Variants in NCK2 observed in about 807,000 individuals in gnomAD.
NCK2 encodes NCK adaptor protein 2, also known as cytoplasmic protein NCK2.
A neutral mutation model predicts 33.9 loss-of-function variants in NCK2; 16 were observed. The observed-to-expected ratio is 0.47, with a 90% CI of 0.32 to 0.72. NCK2 has a LOEUF of 0.72. Among genes scored for constraint, NCK2 ranks in the 30% least tolerant of loss-of-function variants. The pLI is 0.03. For synonymous variants in NCK2, 273 were observed against 239.9 expected, an observed-to-expected ratio of 1.14 and a Z score of -1.27; for missense variants, 418 against 537.3, an observed-to-expected ratio of 0.78 and a Z score of 2.19.
At chr2:105,838,024 A>G (rs1482738063) in intron 2 of NCK2, among the ~76,000 whole-genome samples, 1 of 152,026 alleles carries the variant, frequency 6.6e-6, no homozygotes, top group African/African-American at 2.4e-5. Flanking sequence ...ATTTAATCCT[A>G]TTTTGATCTA....
chr2:105,857,668 T>G (rs1288914472), intron 3 of NCK2, among the ~76,000 whole-genome samples: 1 of 152,234 alleles, frequency 6.6e-6, no homozygotes, highest in Non-Finnish European at 1.5e-5. Flanking sequence ...CTTTATTGAG[T>G]ATAGCAGTTG....
At chr2:105,777,360 A>T (rs1690344687) in intron 1 of NCK2, among the ~76,000 whole-genome samples, 1 of 152,148 alleles carries the variant, frequency 6.6e-6, no homozygotes, top group African/African-American at 2.4e-5. Context: ...TCAGGTACAG[A>T]GGAGGGCTGG....
At chr2:105,765,630 G>A (rs769363940) in intron 1 of NCK2, among the ~76,000 whole-genome samples, 24 of 151,474 alleles carry the variant, frequency 1.6e-4, no homozygotes, top group Non-Finnish European at 2.4e-4. Flanking sequence ...ATTTTTGGTC[G>A]CTGGCTAAAA....
At position 105,861,618 on chromosome 2, in the gene NCK2, G is replaced by A. The variant is rs182574261; in HGVS notation, c.226+6329G>A. On this transcript the variant is annotated intron_variant, in intron 3 of 4. Coordinates refer to ENST00000233154, the MANE Select transcript of NCK2 (RefSeq NM_003581.5). ...CAACCTCCACCTCCCAGGTTCAAGC[G>A]ATTCTCCTGCTTCAGCCTCCCTAGT... is the stretch of plus-strand genomic sequence containing the variant. 5.7e-3 allele frequency among the ~76,000 whole-genome samples: 854 copies of A among 150,926 alleles called. 9 individuals carry two copies. Among genetic ancestry groups the A allele is most frequent in the African/African-American group, 0.019 (800 of 41,062 alleles).
chr2:105,753,127 GA>G, intron 1 of NCK2, among the ~76,000 whole-genome samples: 1 of 152,356 alleles, frequency 6.6e-6, no homozygotes, highest in East Asian at 1.9e-4. Context: ...ACATAAAACA[GA>G]ACTGTAAACT....
At chr2:105,779,306 CA>C (rs780590996) in intron 1 of NCK2, among the ~76,000 whole-genome samples, 110 of 119,544 alleles carry the variant, frequency 9.2e-4, no homozygotes, top group African/African-American at 2.5e-3. Flanking sequence ...GACTCCGTCT[CA>C]AAAAAAAAAA....
chr2:105,810,983 G>T (rs556321066), intron 1 of NCK2, among the ~76,000 whole-genome samples: 1 of 152,174 alleles, frequency 6.6e-6, no homozygotes, highest in Admixed American at 6.5e-5. Context: ...AGACCATCCT[G>T]GCCAACATGG....
At chr2:105,777,658 T>C (rs1421783677) in intron 1 of NCK2, among the ~76,000 whole-genome samples, 6 of 152,170 alleles carry the variant, frequency 3.9e-5, no homozygotes, top group African/African-American at 1.4e-4. Context: ...TAACAGTCTG[T>C]GGACACCAAT....
chr2:105,802,900 G>A (rs764282009), intron 1 of NCK2, among the ~76,000 whole-genome samples: 2 of 152,028 alleles, frequency 1.3e-5, no homozygotes, highest in Admixed American at 6.5e-5. Flanking sequence ...CTGCTTTCTC[G>A]GGGGTGAGGT....
rs554053696 is a variant in NCK2, at chr2:105,824,355, G to A, written c.-17+7742G>A. Among the ~76,000 whole-genome samples the A allele has an allele frequency of 3.3e-5, 5 of 152,312 alleles. No homozygotes were observed. The South Asian group carries it at 8.3e-4, about 25-fold the overall frequency. ...TCCTCAGTCAGACTTGTTTTATTTA[G>A]TGCCTTCCGGAATATGCCACTTATG... is the stretch of plus-strand genomic sequence containing the variant. On this transcript the variant is annotated intron_variant, in intron 2 of 4. Coordinates refer to ENST00000233154, the MANE Select transcript of NCK2 (RefSeq NM_003581.5).
chr2:105,857,296 C>G (rs1029218475), intron 3 of NCK2: 1 of 152,322 alleles, frequency 6.6e-6, no homozygotes, highest in Non-Finnish European at 1.5e-5. Flanking sequence ...CCCAGGCTCT[C>G]AGACTGAGCC....
chr2:105,848,082 G>C (rs139428279), intron 2 of NCK2, among the ~76,000 whole-genome samples: 12 of 152,314 alleles, frequency 7.9e-5, no homozygotes, highest in African/African-American at 2.9e-4. Flanking sequence ...TTATGTTCAA[G>C]CCATTGAGCC....
chr2:105,855,050 G>C lies in NCK2; in HGVS notation c.-14G>C. ...ATCTCCAAATGTTTTGCTGGCAGAAGGACTCCATGAAAGATGACAGAAGAA... is the reference window on the plus strand; with the variant it reads ...ATCTCCAAATGTTTTGCTGGCAGAACGACTCCATGAAAGATGACAGAAGAA... On this transcript the variant is annotated splice_region_variant and 5_prime_UTR_variant, in exon 3 of 5. Transcript: ENST00000233154. 6.2e-7 allele frequency: 1 copy of C among 1,609,682 alleles called. No homozygotes were observed. The highest frequency in any genetic ancestry group is 8.5e-7 in the Non-Finnish European group (1 of 1,175,990).
chr2:105,888,305 A>G (rs1678800582), intron 4 of NCK2, among the ~76,000 whole-genome samples: 1 of 151,834 alleles, frequency 6.6e-6, no homozygotes, highest in African/African-American at 2.4e-5. Flanking sequence ...TCATAGAAGG[A>G]CATAACAGGA....
At chr2:105,797,164 A>G (rs1193501941) in intron 1 of NCK2, among the ~76,000 whole-genome samples, 1 of 152,180 alleles carries the variant, frequency 6.6e-6, no homozygotes, top group Non-Finnish European at 1.5e-5. Context: ...ACAAGAAAAA[A>G]GTTGACATTG....
intron 3 of NCK2, among the ~76,000 whole-genome samples, chr2:105,869,988 T>C (rs1484737635): frequency 6.6e-6 from 1 of 152,192 alleles, no homozygotes; most frequent in Non-Finnish European, 1.5e-5. Context: ...TTCTTATGAC[T>C]GGAGTGGAAA....
At chr2:105,884,179 C>A (rs377758060) in intron 4 of NCK2, among the ~76,000 whole-genome samples, 1 of 152,218 alleles carries the variant, frequency 6.6e-6, no homozygotes, top group African/African-American at 2.4e-5. Flanking sequence ...CAGCTGTCAT[C>A]TGTGACTACC....
intron 1 of NCK2, among the ~76,000 whole-genome samples, chr2:105,768,061 G>T (rs1478074206): frequency 6.6e-6 from 1 of 152,210 alleles, no homozygotes; most frequent in African/African-American, 2.4e-5. Context: ...GCCAGTGTGT[G>T]CTAGATGTGT....
intron 3 of NCK2, among the ~76,000 whole-genome samples, chr2:105,869,395 C>T (rs901133670): frequency 2.6e-5 from 4 of 152,152 alleles, no homozygotes; most frequent in African/African-American, 4.8e-5. Context: ...AACAGCCCCA[C>T]GGGTACCAGG....
Sources: allele counts gnomAD v4.1 joint callset (sites outside exome capture counted in the v4.1 genomes callset), GRCh38; gene constraint gnomAD v4.1.1; transcripts MANE v1.5; gene names NCBI Gene and HGNC (gene_info 2026-07-23, HGNC 2026-07-21).